RAPGEF1: variants seen among roughly 807,000 people sequenced by gnomAD.
RAPGEF1 encodes CRK SH3-binding GNRP.
In RAPGEF1, 33 loss-of-function variants were observed where a neutral mutation model predicts 143.3. The ratio of observed to expected loss-of-function variants is 0.23; its 90% confidence interval spans 0.17 to 0.31. RAPGEF1 has a LOEUF of 0.31. Among genes scored for constraint, RAPGEF1 ranks in the 10% least tolerant of loss-of-function variants. The pLI is 1.00. For synonymous variants in RAPGEF1, 629 were observed against 676.5 expected (o/e 0.93, Z 1.09); for missense variants, 1,199 against 1,645.4 (o/e 0.73, Z 4.69).
chr9:131,680,816 C>G (rs1430498315), intron 1 of RAPGEF1, among the ~76,000 whole-genome samples: 1 of 152,146 alleles, frequency 6.6e-6, no homozygotes, highest in African/African-American at 2.4e-5. Context: ...CTCTATATTT[C>G]TGTGTGTGTG....
chr9:131,730,820 C>T (rs1053559952), intron 1 of RAPGEF1, among the ~76,000 whole-genome samples: 6 of 151,962 alleles, frequency 3.9e-5, no homozygotes, highest in African/African-American at 9.7e-5. Flanking sequence ...AATTTGCCCA[C>T]GGTCACCCAG....
At chr9:131,714,688 G>A (rs932079555) in intron 1 of RAPGEF1, among the ~76,000 whole-genome samples, 1 of 149,960 alleles carries the variant, frequency 6.7e-6, no homozygotes, top group African/African-American at 2.5e-5. Flanking sequence ...TGTCTTCTGG[G>A]GTCCTCTAGA....
rs1191436851 is a variant in RAPGEF1 at position 131,594,098 on chromosome 9, C to T, written c.2690-1915G>A. 2.6e-5 allele frequency among the ~76,000 whole-genome samples: 4 copies of T among 152,166 alleles called. No individual in the cohort carries two copies. In the East Asian group the frequency reaches 5.8e-4, roughly 22 times the overall value. Reference sequence around the variant, plus strand: ...CCCGCAAGCAATGTGGCGGGGTCGGCGCCCATGTCTGCCCAATTCCAGAGC... The same window carrying T: ...CCCGCAAGCAATGTGGCGGGGTCGGTGCCCATGTCTGCCCAATTCCAGAGC... On this transcript the variant is annotated intron_variant, in intron 17 of 26. Coordinates refer to ENST00000683357, the MANE Select transcript of RAPGEF1 (RefSeq NM_001377935.1).
Position 131,655,843 on chromosome 9 carries a change from T to G in RAPGEF1, c.62-4894A>C, listed in dbSNP as rs1373704371. ...ACCTCGTGATCCACCTGCCTTGGCCTCCCAAAGTGCTGAGATTACAGGTGT... is the reference window on the plus strand; with the variant it reads ...ACCTCGTGATCCACCTGCCTTGGCCGCCCAAAGTGCTGAGATTACAGGTGT... On this transcript the variant is annotated intron_variant, in intron 1 of 26. Transcript: ENST00000683357. This position sits in a 1 kb window ranked among gnomAD's most constrained non-coding sequence, Gnocchi z 4.1. 3.3e-5 allele frequency among the ~76,000 whole-genome samples: 5 copies of G among 152,208 alleles called. No homozygotes were observed. The highest frequency in any genetic ancestry group is 3.4e-3 in the Middle Eastern group (1 of 292).
chr9:131,580,151 A>C, intron 26 of RAPGEF1, 112 bp downstream of exon 26: 1 of 1,377,130 alleles, frequency 7.3e-7, no homozygotes, highest in Non-Finnish European at 9.9e-7. Context: ...CAGCAGTGGC[A>C]GGTCCCTGGG....
chr9:131,727,455 T>A (rs1182214020), intron 1 of RAPGEF1, among the ~76,000 whole-genome samples: 1 of 151,860 alleles, frequency 6.6e-6, no homozygotes, highest in Non-Finnish European at 1.5e-5. Context: ...AATTATAGAG[T>A]GGGGTTCAGA....
chr9:131,582,511 A>T, intron 25 of RAPGEF1, 94 bp downstream of exon 25: 1 of 962,622 alleles, frequency 1.0e-6, no homozygotes, highest in South Asian at 1.9e-5. Context: ...AAACCCCTAA[A>T]TTAAGATTTC....
intron 1 of RAPGEF1, among the ~76,000 whole-genome samples, chr9:131,673,611 C>G (rs936926781): frequency 6.6e-6 from 1 of 152,168 alleles, no homozygotes; most frequent in Non-Finnish European, 1.5e-5. Context: ...GACCCTGTGA[C>G]CCAAAGCACA....
At position 131,619,174 on chromosome 9, in the gene RAPGEF1, G is replaced by A; in HGVS notation, c.1938C>T (p.Val646=). Residue 646 remains valine (V), a synonymous_variant, in exon 12 of 27, where the codon GTC becomes GTT. Coordinates refer to ENST00000683357, the MANE Select transcript of RAPGEF1 (RefSeq NM_001377935.1). ...ASCAASSFSS[V]SHCVQQTKVA... ...CTTTAGTTTGCTGGACACAGTGGGAGACAGAGGAGAAGGAAGAAGCAGCAC... is the reference window on the plus strand; with the variant it reads ...CTTTAGTTTGCTGGACACAGTGGGAAACAGAGGAGAAGGAAGAAGCAGCAC... The A allele has an allele frequency of 1.5e-6, 2 of 1,307,954 alleles. No individual in the cohort carries two copies. The highest frequency in any genetic ancestry group is 2.0e-6 in the Non-Finnish European group (2 of 991,294). 81.0% of individuals were successfully genotyped at this position (1,307,954 alleles called of 1,614,324 possible). A position where few individuals can be genotyped will look rare whatever the true frequency, so the allele number is the denominator to read the frequency against.
chr9:131,733,727 A>G (rs1837241379), intron 1 of RAPGEF1, among the ~76,000 whole-genome samples: 1 of 152,182 alleles, frequency 6.6e-6, no homozygotes, highest in Non-Finnish European at 1.5e-5. Flanking sequence ...TCCTCTTTCC[A>G]GAGCGTGATC....
At chr9:131,634,994 T>C (rs1334451401) in intron 5 of RAPGEF1, among the ~76,000 whole-genome samples, 1 of 151,668 alleles carries the variant, frequency 6.6e-6, no homozygotes, top group Non-Finnish European at 1.5e-5. Context: ...CCTTCAAGAG[T>C]CATAATCAGC....
intron 1 of RAPGEF1, among the ~76,000 whole-genome samples, chr9:131,652,871 A>C (rs1431637087): frequency 6.6e-6 from 1 of 152,210 alleles, no homozygotes; most frequent in Non-Finnish European, 1.5e-5. Context: ...ACTGTACATA[A>C]CCATATGTGC....
chr9:131,714,349 A>G (rs1239929903), intron 1 of RAPGEF1, among the ~76,000 whole-genome samples: 2 of 151,682 alleles, frequency 1.3e-5, no homozygotes, highest in Non-Finnish European at 2.9e-5. Flanking sequence ...TTTTTTAGAT[A>G]GAAATGGCTC....
At chr9:131,719,185 C>A (rs932551614) in intron 1 of RAPGEF1, among the ~76,000 whole-genome samples, 1 of 152,162 alleles carries the variant, frequency 6.6e-6, no homozygotes, top group Non-Finnish European at 1.5e-5. Flanking sequence ...TCTTGCTTAT[C>A]ATGACTAATA....
At chr9:131,609,091 G>A (rs1033104398) in intron 12 of RAPGEF1, among the ~76,000 whole-genome samples, 2 of 152,278 alleles carry the variant, frequency 1.3e-5, no homozygotes, top group Admixed American at 6.5e-5. Context: ...GCAAACTTCT[G>A]CACAAGATCT....
Position 131,643,396 on chromosome 9 carries a change from T to C in RAPGEF1, c.337A>G (p.Lys113Glu). ...RQKNLSWLEE[K>E]EKEVVSALRY... ...AGGGCACTGACAACTTCCTTCTCTTTCTCCTCCAGCCAGCTCAGGTTCTGA... is the reference window on the plus strand; with the variant it reads ...AGGGCACTGACAACTTCCTTCTCTTCCTCCTCCAGCCAGCTCAGGTTCTGA... The change falls in exon 4 of 27, where the codon AAA becomes GAA. Residue 113 changes from lysine to glutamate, a missense_variant. Lys to Glu is a moderately conservative substitution (Grantham distance 56). Transcript: ENST00000683357. The C allele has an allele frequency of 6.2e-7, 1 of 1,613,392 alleles. No individual in the cohort carries two copies.
At chr9:131,653,715 G>A (rs1169849826) in intron 1 of RAPGEF1, among the ~76,000 whole-genome samples, 2 of 152,184 alleles carry the variant, frequency 1.3e-5, no homozygotes, top group Non-Finnish European at 2.9e-5. Flanking sequence ...GAAAATGTCG[G>A]GCAGTTTCTC....
chr9:131,625,872 A>G, intron 10 of RAPGEF1, 50 bp downstream of exon 10: 1 of 1,507,562 alleles, frequency 6.6e-7, no homozygotes, highest in Non-Finnish European at 8.9e-7. Context: ...ACATACTGCC[A>G]TTTCAGGTTA....
chr9:131,620,901 C>T (rs914940048), intron 11 of RAPGEF1, among the ~76,000 whole-genome samples: 1 of 152,214 alleles, frequency 6.6e-6, no homozygotes, highest in Non-Finnish European at 1.5e-5. Flanking sequence ...GCACACCAGT[C>T]GCCTCCTGGT....
Sources: gnomAD v4.1 joint callset for allele counts (sites outside exome capture counted in the v4.1 genomes callset) on GRCh38, gnomAD v4.1.1 for gene constraint, Gnocchi (gnomAD v3.1) non-coding constraint, MANE v1.5 for transcripts, NCBI Gene and HGNC (gene_info 2026-07-23, HGNC 2026-07-21) for gene names.